XKR6: variants seen among roughly 807,000 people sequenced by gnomAD.
XKR6 encodes XK-related protein 6.
In XKR6, 22 loss-of-function variants were observed where a neutral mutation model predicts 56.7. The ratio of observed to expected loss-of-function variants is 0.39; its 90% CI spans 0.28 to 0.55. XKR6 has a LOEUF of 0.55. Among genes scored for constraint, XKR6 ranks in the 20% least tolerant of loss-of-function variants. The pLI is 0.66. For missense variants in XKR6, 852 were observed against 889.0 expected (o/e 0.96, Z 0.53); for synonymous variants, 524 against 387.8 (o/e 1.35, Z -4.13).
At chr8:11,103,968 A>C (rs1486820324) in intron 1 of XKR6, among the ~76,000 whole-genome samples, 1 of 152,172 alleles carries the variant, frequency 6.6e-6, no homozygotes, top group African/African-American at 2.4e-5. Context: ...CCTTGGGAGG[A>C]GATGCGGAGT....
chr8:10,911,529 G>C (rs1337127001), intron 2 of XKR6, among the ~76,000 whole-genome samples: 3 of 148,360 alleles, frequency 2.0e-5, no homozygotes, highest in South Asian at 2.1e-4. Flanking sequence ...TGTAGAAAGA[G>C]AGGGGGTGAA....
At position 11,200,932 on chromosome 8, in the gene XKR6, C is replaced by T. The variant is rs1408465331; in HGVS notation, c.408G>A (p.Leu136=). The change falls in exon 1 of 3, where the codon CTG becomes CTA. Residue 136 remains leucine (L), a synonymous_variant. Coordinates refer to ENST00000416569, the MANE Select transcript of XKR6 (RefSeq NM_173683.4). The surrounding 1 kb of genome is among the most constrained non-coding windows in gnomAD (Gnocchi z 6.4). ...WLDCLWIVLA[L]LVFFGDVGTD... ...TGCCCACGTCCCCGAAGAACACCAG[C>T]AGCGCCAGCACGATCCACAGGCAGT... is the stretch of plus-strand genomic sequence containing the variant. 2 of 1,606,126 alleles carry T rather than the reference C, an allele frequency of 1.2e-6. No homozygotes were observed. Among genetic ancestry groups the T allele is most frequent in the Admixed American group, 3.3e-5 (2 of 59,816 alleles).
At chr8:10,966,430 G>A (rs1462537346) in intron 1 of XKR6, among the ~76,000 whole-genome samples, 1 of 152,080 alleles carries the variant, frequency 6.6e-6, no homozygotes, top group Non-Finnish European at 1.5e-5. Context: ...AGCACTTTGG[G>A]AGGCCAAGGC....
chr8:11,180,887 A>C (rs1481140611), intron 1 of XKR6, among the ~76,000 whole-genome samples: 2 of 152,228 alleles, frequency 1.3e-5, no homozygotes. Flanking sequence ...AGCCTGAGCA[A>C]CTGAGCAAGA....
At chr8:11,099,776 G>C (rs537605712) in intron 1 of XKR6, among the ~76,000 whole-genome samples, 8 of 152,318 alleles carry the variant, frequency 5.3e-5, no homozygotes, top group Admixed American at 1.3e-4. Flanking sequence ...TAGCGGAGGA[G>C]ACAAAACTAT....
At chr8:11,059,777 C>T (rs953725071) in intron 1 of XKR6, among the ~76,000 whole-genome samples, 4 of 151,876 alleles carry the variant, frequency 2.6e-5, no homozygotes, top group Admixed American at 6.6e-5. Flanking sequence ...GCTGTAACCC[C>T]CTGCGCGACC....
At chr8:11,154,692 G>A (rs1244266358) in intron 1 of XKR6, among the ~76,000 whole-genome samples, 1 of 152,198 alleles carries the variant, frequency 6.6e-6, no homozygotes, top group Non-Finnish European at 1.5e-5. Context: ...ATTTTTTACA[G>A]TTTTCTTGAA....
At chr8:10,944,162 C>T (rs1011561259) in intron 1 of XKR6, among the ~76,000 whole-genome samples, 2 of 152,146 alleles carry the variant, frequency 1.3e-5, no homozygotes, top group African/African-American at 4.8e-5. Flanking sequence ...TGAGTTTGGC[C>T]CTGGCTCTGA....
intron 1 of XKR6, chr8:11,125,616 A>C (rs1586581407): frequency 1.3e-5 from 2 of 152,250 alleles, no homozygotes; most frequent in South Asian, 4.2e-4. Flanking sequence ...ATACCTAATA[A>C]ACAGCCGTGC....
At chr8:10,995,796 A>G (rs7820231) in intron 1 of XKR6, among the ~76,000 whole-genome samples, 51,297 of 151,978 alleles carry the variant, frequency 0.34, 11,372 homozygotes, top group African/African-American at 0.63. Context: ...GGTGAAGTAA[A>G]TGGAGGAAAA....
intron 1 of XKR6, among the ~76,000 whole-genome samples, chr8:11,151,257 C>G (rs1451984718): frequency 1.3e-5 from 2 of 152,110 alleles, no homozygotes; most frequent in African/African-American, 4.8e-5. Flanking sequence ...TTTAATTTTT[C>G]CTTCCCAATT....
At chr8:11,102,252 T>G in intron 1 of XKR6, among the ~76,000 whole-genome samples, 1 of 152,210 alleles carries the variant, frequency 6.6e-6, no homozygotes, top group East Asian at 1.9e-4. Flanking sequence ...TTGCCTGCTC[T>G]TTCCCATGAG....
intron 1 of XKR6, among the ~76,000 whole-genome samples, chr8:10,946,461 G>A (rs1040938882): frequency 6.6e-6 from 1 of 151,982 alleles, no homozygotes; most frequent in Admixed American, 6.6e-5. Flanking sequence ...TCCTTTTTCG[G>A]CCCATAGTGG....
chr8:11,178,619 A>G (rs1193424637), intron 1 of XKR6, among the ~76,000 whole-genome samples: 1 of 128,366 alleles, frequency 7.8e-6, no homozygotes, highest in Non-Finnish European at 1.6e-5. Context: ...ATATATATAT[A>G]CACACACAAA....
chr8:10,982,913 C>A (rs1380973440), intron 1 of XKR6, among the ~76,000 whole-genome samples: 1 of 152,190 alleles, frequency 6.6e-6, no homozygotes, highest in Non-Finnish European at 1.5e-5. Context: ...TCCACTGGGA[C>A]CCCATTTCCG....
At chr8:10,906,216 C>A (rs1018758973) in intron 2 of XKR6, among the ~76,000 whole-genome samples, 1 of 152,204 alleles carries the variant, frequency 6.6e-6, no homozygotes, top group African/African-American at 2.4e-5. Flanking sequence ...TACACCACAG[C>A]AATTGGCAAA....
intron 1 of XKR6, among the ~76,000 whole-genome samples, chr8:11,192,652 C>T (rs1035887525): frequency 2.6e-5 from 4 of 152,088 alleles, no homozygotes; most frequent in Non-Finnish European, 5.9e-5. Context: ...TGAATGGTAA[C>T]AGGTGTTCAT....
chr8:10,977,704 C>G lies in XKR6; in HGVS notation c.765-52874G>C, dbSNP rs546038464. On this transcript the variant is annotated intron_variant, in intron 1 of 2. Transcript: ENST00000416569. ...ACGGAGGTGGGTTCGGGGATAGAGA[C>G]AGTGCAGGGGTCATAGAACGAGGAG... Among the ~76,000 whole-genome samples the G allele has an allele frequency of 5.0e-4, 75 of 150,448 alleles. 1 individual carries two copies. Among genetic ancestry groups the G allele is most frequent in the African/African-American group, 1.8e-3 (74 of 40,990 alleles).
intron 2 of XKR6, among the ~76,000 whole-genome samples, chr8:10,920,848 A>C (rs551006027): frequency 1.3e-5 from 2 of 152,362 alleles, no homozygotes; most frequent in South Asian, 4.1e-4. Context: ...TGTTTAGTCC[A>C]ACAGGTCCCA....
Sources: allele counts gnomAD v4.1 joint callset (sites outside exome capture counted in the v4.1 genomes callset), GRCh38; gene constraint gnomAD v4.1.1; non-coding constraint Gnocchi (gnomAD v3.1); transcripts MANE v1.5; gene names NCBI Gene and HGNC (gene_info 2026-07-23, HGNC 2026-07-21).